Variants in ZPBP observed in about 807,000 individuals in gnomAD.
ZPBP encodes zona pellucida binding protein.
In ZPBP, 26 loss-of-function variants were observed where a neutral mutation model predicts 44.8. The ratio of observed to expected loss-of-function variants is 0.58; its 90% CI spans 0.43 to 0.81. The LOEUF (loss-of-function observed/expected upper bound fraction) is 0.81, where lower values mean the gene tolerates loss of function less well. Ranked by LOEUF, ZPBP falls within the 30% of genes least tolerant of loss-of-function variation. ZPBP has a pLI of 0.00. For missense variants in ZPBP, 409 were observed against 434.0 expected (o/e 0.94, Z 0.51); for synonymous variants, 174 against 153.2 (o/e 1.14, Z -1.00).
intron 5 of ZPBP, among the ~76,000 whole-genome samples, chr7:50,027,632 T>C (rs1207675867): frequency 3.3e-5 from 5 of 151,716 alleles, no homozygotes; most frequent in African/African-American, 4.8e-5. Flanking sequence ...AGAAAAGATA[T>C]AAAATACAGA....
At chr7:49,967,604 T>C (rs1037499614) in intron 7 of ZPBP, among the ~76,000 whole-genome samples, 16 of 152,186 alleles carry the variant, frequency 1.1e-4, no homozygotes, top group African/African-American at 3.9e-4. Flanking sequence ...TGAAGGGCAA[T>C]GGTGTGATCT....
intron 2 of ZPBP, among the ~76,000 whole-genome samples, chr7:49,874,670 T>C (rs1177010945): frequency 1.3e-5 from 2 of 152,202 alleles, no homozygotes; most frequent in Non-Finnish European, 2.9e-5. Flanking sequence ...TTTTCTGGAA[T>C]TTATAAAATT....
chr7:49,979,982 A>G (rs1305566699), intron 7 of ZPBP, among the ~76,000 whole-genome samples: 2 of 105,260 alleles, frequency 1.9e-5, no homozygotes, highest in Non-Finnish European at 3.5e-5. Context: ...ATTATATATT[A>G]ATATAATTTT....
chr7:49,883,580 T>C (rs543051052), intron 2 of ZPBP, among the ~76,000 whole-genome samples: 1 of 152,302 alleles, frequency 6.6e-6, no homozygotes, highest in South Asian at 2.1e-4. Context: ...ATAGGATTGA[T>C]GAGGACATTA....
chr7:50,085,316 A>T (rs1802582023), intron 2 of ZPBP, among the ~76,000 whole-genome samples: 1 of 152,118 alleles, frequency 6.6e-6, no homozygotes, highest in South Asian at 2.1e-4. Flanking sequence ...CTATAACTGT[A>T]AGACAGTAAT....
At chr7:49,858,566 AG>A (rs1331049556) in intron 2 of ZPBP, among the ~76,000 whole-genome samples, 5 of 50,612 alleles carry the variant, frequency 9.9e-5, no homozygotes, top group African/African-American at 2.4e-4. Context: ...GGGGTGGGGG[AG>A]GGGGGAGGGA....
intron 6 of ZPBP, among the ~76,000 whole-genome samples, chr7:49,994,790 C>T (rs1234920639): frequency 6.6e-6 from 1 of 152,160 alleles, no homozygotes; most frequent in Admixed American, 6.5e-5. Context: ...ATCTTATGGC[C>T]TACATGGCAC....
intron 1 of ZPBP, chr7:49,911,920 C>G (rs766656274): frequency 1.1e-5 from 8 of 738,462 alleles, no homozygotes; most frequent in Non-Finnish European, 1.5e-5. Flanking sequence ...CAAACAAATA[C>G]ACGCACACAC....
At position 50,081,785 on chromosome 7, in the gene ZPBP, T is replaced by C. The variant is rs768047860; in HGVS notation, c.323A>G (p.Lys108Arg). Reference protein sequence around the residue: ...PSFQWYGPKGKVVSVENRTAQ... With the variant: ...PSFQWYGPKGRVVSVENRTAQ... Reference sequence around the variant, plus strand: ...AAACAAAATCCTACCTGAAACAACTTTTCCTTTAGGCCCATACCATTGGAA... The same window carrying C: ...AAACAAAATCCTACCTGAAACAACTCTTCCTTTAGGCCCATACCATTGGAA... Residue 108 changes from lysine to arginine, a missense_variant, in exon 3 of 8, where the codon AAA (lysine) becomes AGA (arginine). By Grantham distance (26) the Lys-to-Arg change is conservative. This residue lies in a region of ZPBP where 367 missense variants were observed against 363.1 expected (regional missense o/e 1.01). Transcript: ENST00000046087. 6.2e-7 allele frequency: 1 copy of C among 1,611,166 alleles called. No individual in the cohort carries two copies. Among genetic ancestry groups the C allele is most frequent in the South Asian group, 1.1e-5 (1 of 91,022 alleles).
At chr7:49,875,135 G>C (rs1791347100) in intron 2 of ZPBP, among the ~76,000 whole-genome samples, 1 of 151,340 alleles carries the variant, frequency 6.6e-6, no homozygotes, top group Admixed American at 6.6e-5. Context: ...ACTTTGGGAG[G>C]CCGAGGCAGG....
intron 2 of ZPBP, among the ~76,000 whole-genome samples, chr7:49,869,469 A>T (rs75118286): frequency 0.029 from 4,460 of 152,262 alleles, 180 homozygotes; most frequent in South Asian, 0.13. Context: ...ATAGGGAAAA[A>T]ATTATCTTGT....
intron 4 of ZPBP, among the ~76,000 whole-genome samples, chr7:50,045,662 G>T (rs1034729431): frequency 6.6e-6 from 1 of 152,098 alleles, no homozygotes; most frequent in African/African-American, 2.4e-5. Context: ...CAAACAAATG[G>T]AAAAACATTC....
intron 4 of ZPBP, among the ~76,000 whole-genome samples, chr7:50,047,254 C>T (rs940484401): frequency 6.6e-6 from 1 of 151,770 alleles, no homozygotes; most frequent in Non-Finnish European, 1.5e-5. Flanking sequence ...ATGTAACAAA[C>T]CTACATGTTC....
At chr7:49,877,693 G>A (rs1428968112) in intron 2 of ZPBP, among the ~76,000 whole-genome samples, 2 of 148,764 alleles carry the variant, frequency 1.3e-5, no homozygotes, top group Non-Finnish European at 3.0e-5. Flanking sequence ...TGGGTGTCAG[G>A]AGCCCTCCCA....
intron 1 of ZPBP, among the ~76,000 whole-genome samples, chr7:49,905,549 A>G (rs575580356): frequency 8.5e-5 from 13 of 152,338 alleles, no homozygotes; most frequent in Admixed American, 8.5e-4. Flanking sequence ...TTTAAAAAAG[A>G]GTTTTATTTA....
At chr7:49,986,065 G>C (rs1797265956) in intron 6 of ZPBP, among the ~76,000 whole-genome samples, 1 of 152,144 alleles carries the variant, frequency 6.6e-6, no homozygotes, top group Non-Finnish European at 1.5e-5. Context: ...TGTGTGATAA[G>C]GACCTAGATT....
At chr7:49,883,963 A>G (rs1372858384) in intron 2 of ZPBP, among the ~76,000 whole-genome samples, 1 of 152,234 alleles carries the variant, frequency 6.6e-6, no homozygotes, top group African/African-American at 2.4e-5. Flanking sequence ...CTTAGGTGTG[A>G]TGGTGGAGAA....
chr7:50,057,009 C>T (rs1432658813), intron 4 of ZPBP, among the ~76,000 whole-genome samples: 1 of 152,010 alleles, frequency 6.6e-6, no homozygotes. Context: ...CACGGTGAAA[C>T]CCCATCTCTA....
At chr7:49,895,904 T>C (rs1792364378) in intron 2 of ZPBP, among the ~76,000 whole-genome samples, 3 of 152,144 alleles carry the variant, frequency 2.0e-5, no homozygotes, top group African/African-American at 7.2e-5. Context: ...TAGAATCCAT[T>C]TGTATATATG....
Sources: allele counts gnomAD v4.1 joint callset (sites outside exome capture counted in the v4.1 genomes callset), GRCh38; gene constraint gnomAD v4.1.1; regional missense constraint gnomAD v4.1.1; transcripts MANE v1.5; gene names NCBI Gene and HGNC (gene_info 2026-07-23, HGNC 2026-07-21).